DIPK1A: variants seen among roughly 807,000 people sequenced by gnomAD.
The protein encoded by DIPK1A is divergent protein kinase domain 1A, also known as family with sequence similarity 69 member A.
A neutral mutation model predicts 40.8 loss-of-function variants in DIPK1A; 27 were observed. The observed-to-expected ratio is 0.66, with a 90% CI of 0.49 to 0.91. The LOEUF (loss-of-function observed/expected upper bound fraction) is 0.91. DIPK1A is among the 40% of genes least tolerant of loss of function. The pLI is 0.00. For synonymous variants in DIPK1A, 166 were observed against 171.3 expected (o/e 0.97, Z 0.24); for missense variants, 412 against 505.7 (o/e 0.81, Z 1.78).
chr1:92,924,225 T>G (rs1483023679), intron 1 of DIPK1A, among the ~76,000 whole-genome samples: 1 of 152,192 alleles, frequency 6.6e-6, no homozygotes, highest in Non-Finnish European at 1.5e-5. Context: ...TTATTGTTTA[T>G]AGTAGTTTTA....
At chr1:92,895,295 G>A (rs1649108820) in intron 1 of DIPK1A, among the ~76,000 whole-genome samples, 1 of 152,058 alleles carries the variant, frequency 6.6e-6, no homozygotes, top group Non-Finnish European at 1.5e-5. Flanking sequence ...ACATCAAAAA[G>A]CTTATCCACC....
intron 2 of DIPK1A, among the ~76,000 whole-genome samples, chr1:92,872,904 T>C (rs1647941001): frequency 6.6e-6 from 1 of 152,232 alleles, no homozygotes; most frequent in Admixed American, 6.5e-5. Flanking sequence ...TAACCTCTCA[T>C]TCTGCAGAGC....
At chr1:92,857,647 T>C (rs894510768) in intron 2 of DIPK1A, among the ~76,000 whole-genome samples, 4 of 152,146 alleles carry the variant, frequency 2.6e-5, no homozygotes. Context: ...TATATGCCAA[T>C]ACTGTTCTAT....
Position 92,864,465 on chromosome 1 carries a change from A to G in DIPK1A, c.189+11831T>C, listed in dbSNP as rs561469825. Among the ~76,000 whole-genome samples the G allele has an allele frequency of 7.2e-5, 11 of 152,330 alleles. No homozygotes were observed. The East Asian group carries it at 1.9e-3, about 27-fold the overall frequency. On this transcript the variant is annotated intron_variant, in intron 2 of 4. Transcript: ENST00000370310. Reference sequence around the variant, plus strand: ...ATTCCTCATTATTACCCAGGTAGAAACTTAGAACTTGCTTGCATAGAGGAA... The same window carrying G: ...ATTCCTCATTATTACCCAGGTAGAAGCTTAGAACTTGCTTGCATAGAGGAA...
At chr1:92,859,143 T>C (rs924260692) in intron 2 of DIPK1A, among the ~76,000 whole-genome samples, 18 of 152,188 alleles carry the variant, frequency 1.2e-4, no homozygotes, top group African/African-American at 4.1e-4. Flanking sequence ...AATGAACAGA[T>C]GTATACTACC....
intron 4 of DIPK1A, among the ~76,000 whole-genome samples, chr1:92,834,256 A>C (rs1687030695): frequency 6.6e-6 from 1 of 152,154 alleles, no homozygotes; most frequent in Non-Finnish European, 1.5e-5. Context: ...GGGCTTTAAG[A>C]TTGTTCTGCT....
At chr1:92,921,230 C>T (rs2100853719) in intron 1 of DIPK1A, among the ~76,000 whole-genome samples, 1 of 152,236 alleles carries the variant, frequency 6.6e-6, no homozygotes, top group African/African-American at 2.4e-5. Context: ...ACAATTTCAG[C>T]CCTCAGACAC....
At chr1:92,934,998 T>C (rs1650894058) in intron 1 of DIPK1A, among the ~76,000 whole-genome samples, 2 of 152,258 alleles carry the variant, frequency 1.3e-5, no homozygotes, top group South Asian at 4.1e-4. Context: ...AAATGTGCTC[T>C]GCCTGACTTC....
intron 1 of DIPK1A, among the ~76,000 whole-genome samples, chr1:92,928,909 C>G (rs1475080607): frequency 2.0e-5 from 3 of 151,986 alleles, no homozygotes; most frequent in African/African-American, 7.3e-5. Context: ...TTGCAGTGAG[C>G]CAAAACCGCA....
downstream of DIPK1A, chr1:92,840,649 C>T: frequency 1.3e-6 from 2 of 1,573,302 alleles, no homozygotes; most frequent in Non-Finnish European, 1.7e-6. Context: ...GGTATGTCGT[C>T]TTTTTTTTTG....
At chr1:92,852,876 C>T (rs1362102882) in intron 2 of DIPK1A, among the ~76,000 whole-genome samples, 1 of 152,020 alleles carries the variant, frequency 6.6e-6, no homozygotes, top group Non-Finnish European at 1.5e-5. Flanking sequence ...CCCATCTCTA[C>T]AAATAATACA....
chr1:92,845,527 A>C, intron 4 of DIPK1A: 1 of 385,946 alleles, frequency 2.6e-6, no homozygotes, highest in South Asian at 1.9e-5. Flanking sequence ...AAAAAAAAAA[A>C]AACCGTCTCT....
intron 2 of DIPK1A, among the ~76,000 whole-genome samples, chr1:92,857,071 T>C (rs1195728850): frequency 2.0e-5 from 3 of 152,136 alleles, no homozygotes; most frequent in South Asian, 2.1e-4. Flanking sequence ...AGTTTAGATA[T>C]ATGCAAACAT....
intron 1 of DIPK1A, among the ~76,000 whole-genome samples, chr1:92,958,184 T>C (rs1651924533): frequency 6.6e-6 from 1 of 152,240 alleles, no homozygotes; most frequent in South Asian, 2.1e-4. Flanking sequence ...CATTAGCTCA[T>C]GAATGTCTAT....
intron 2 of DIPK1A, among the ~76,000 whole-genome samples, chr1:92,868,758 G>C (rs1038174939): frequency 1.3e-5 from 2 of 152,086 alleles, no homozygotes; most frequent in Non-Finnish European, 2.9e-5. Context: ...CTGAGGTCAG[G>C]AGTTCGAGAC....
chr1:92,887,164 T>G (rs1192829634), intron 1 of DIPK1A, among the ~76,000 whole-genome samples: 12 of 150,680 alleles, frequency 8.0e-5, no homozygotes, highest in Non-Finnish European at 2.9e-5. Flanking sequence ...ACACCTGTAA[T>G]TCCAGCACTT....
At chr1:92,891,560 A>G (rs1407989116) in intron 1 of DIPK1A, among the ~76,000 whole-genome samples, 1 of 152,202 alleles carries the variant, frequency 6.6e-6, no homozygotes, top group Non-Finnish European at 1.5e-5. Flanking sequence ...GAACAGCTCC[A>G]GTCTACAGCT....
At chr1:92,848,175 A>T (rs1687700154) in intron 3 of DIPK1A, among the ~76,000 whole-genome samples, 1 of 152,236 alleles carries the variant, frequency 6.6e-6, no homozygotes, top group Non-Finnish European at 1.5e-5. Context: ...GGTCTTTACC[A>T]CTAGGATAGG....
chr1:92,841,912 T>A (rs72968037), downstream of DIPK1A: 2 of 1,379,454 alleles, frequency 1.4e-6, no homozygotes, highest in African/African-American at 1.4e-5. Context: ...AATAAACTTA[T>A]GAACAGCAAC....
Sources: gnomAD v4.1 joint callset for allele counts (sites outside exome capture counted in the v4.1 genomes callset) on GRCh38, gnomAD v4.1.1 for gene constraint, MANE v1.5 for transcripts, NCBI Gene and HGNC (gene_info 2026-07-23, HGNC 2026-07-21) for gene names.